ZNF423: variants seen among roughly 807,000 people sequenced by gnomAD.
ZNF423 encodes zinc finger protein 423.
In ZNF423, 12 loss-of-function variants were observed where a neutral mutation model predicts 95.8. The ratio of observed to expected loss-of-function variants is 0.13; its 90% confidence interval spans 0.08 to 0.20. The LOEUF (loss-of-function observed/expected upper bound fraction) is 0.20, where lower values mean the gene tolerates loss of function less well. Among genes scored for constraint, ZNF423 ranks in the 10% least tolerant of loss-of-function variants. The probability of loss-of-function intolerance (pLI) is 1.00; values close to 1 mark genes in which losing one functional copy is unlikely to be tolerated. For missense variants in ZNF423, 1,316 were observed against 1,737.1 expected (o/e 0.76, Z 4.31); for synonymous variants, 749 against 711.9 (o/e 1.05, Z -0.83).
intron 7 of ZNF423, among the ~76,000 whole-genome samples, chr16:49,505,606 TG>T (rs1476250467): frequency 6.6e-6 from 1 of 152,166 alleles, no homozygotes; most frequent in Non-Finnish European, 1.5e-5. Context: ...ATAAATTGTG[TG>T]CACGCACCAG....
At chr16:49,592,083 T>C (rs1437568989) in intron 5 of ZNF423, among the ~76,000 whole-genome samples, 4 of 152,256 alleles carry the variant, frequency 2.6e-5, no homozygotes, top group Non-Finnish European at 5.9e-5. Flanking sequence ...TAAAAGTAAT[T>C]GAGGTTTTTG....
chr16:49,513,954 C>T (rs147878172), intron 7 of ZNF423, among the ~76,000 whole-genome samples: 1,853 of 151,938 alleles, frequency 0.012, 40 homozygotes, highest in African/African-American at 0.041. Context: ...ACTGGGTAGG[C>T]GATGCGAGGC....
intron 2 of ZNF423, among the ~76,000 whole-genome samples, chr16:49,763,249 A>G (rs1466542237): frequency 6.6e-6 from 1 of 151,510 alleles, no homozygotes; most frequent in Admixed American, 6.6e-5. Flanking sequence ...TGTTCTTTGT[A>G]CTCTGGGTTT....
At chr16:49,788,921 C>T (rs527925629) in intron 2 of ZNF423, among the ~76,000 whole-genome samples, 2 of 152,364 alleles carry the variant, frequency 1.3e-5, no homozygotes, top group South Asian at 4.1e-4. Context: ...AAAAACTTTA[C>T]TCATCCACCT....
At chr16:49,632,868 C>T (rs1972552731) in intron 4 of ZNF423, among the ~76,000 whole-genome samples, 1 of 152,224 alleles carries the variant, frequency 6.6e-6, no homozygotes, top group African/African-American at 2.4e-5. Flanking sequence ...AAACAGCTCC[C>T]TGGCCATCAG....
intron 2 of ZNF423, among the ~76,000 whole-genome samples, chr16:49,781,008 G>A (rs1380704040): frequency 2.0e-5 from 3 of 152,206 alleles, no homozygotes; most frequent in Non-Finnish European, 4.4e-5. Flanking sequence ...CATGCACCAC[G>A]GGCCACAGCC....
At chr16:49,494,820 C>T (rs527386530) in intron 7 of ZNF423, among the ~76,000 whole-genome samples, 3 of 152,336 alleles carry the variant, frequency 2.0e-5, no homozygotes, top group Non-Finnish European at 2.9e-5. Context: ...ACCCGTGGTC[C>T]GTCCCCCACA....
intron 5 of ZNF423, among the ~76,000 whole-genome samples, chr16:49,560,892 C>T (rs1260128868): frequency 1.3e-5 from 2 of 152,126 alleles, no homozygotes; most frequent in Non-Finnish European, 2.9e-5. Flanking sequence ...TTTCCTTTAG[C>T]ACGTGGAACT....
At chr16:49,650,890 C>A (rs1010968) in intron 3 of ZNF423, among the ~76,000 whole-genome samples, 78,460 of 151,734 alleles carry the variant, frequency 0.52, 21,129 homozygotes, top group South Asian at 0.67. Flanking sequence ...TGGCTGTCCT[C>A]CCACTGGACA....
chr16:49,557,675 C>A (rs1265122197), intron 5 of ZNF423, among the ~76,000 whole-genome samples: 4 of 152,178 alleles, frequency 2.6e-5, no homozygotes, highest in Non-Finnish European at 4.4e-5. Flanking sequence ...GGGTGGGAAT[C>A]TGTCCTTCTG....
At chr16:49,645,925 G>A (rs1973155295) in intron 3 of ZNF423, among the ~76,000 whole-genome samples, 1 of 152,208 alleles carries the variant, frequency 6.6e-6, no homozygotes, top group Non-Finnish European at 1.5e-5. Flanking sequence ...CAACATGATT[G>A]TTAGTTTCCT....
At chr16:49,515,853 C>T (rs78520951) in intron 7 of ZNF423, among the ~76,000 whole-genome samples, 2,199 of 152,280 alleles carry the variant, frequency 0.014, 58 homozygotes, top group African/African-American at 0.05. Context: ...CACAGAGGTG[C>T]CCATGGGGAT....
intron 7 of ZNF423, among the ~76,000 whole-genome samples, chr16:49,511,293 T>C (rs1233850831): frequency 3.3e-5 from 5 of 152,182 alleles, no homozygotes; most frequent in African/African-American, 9.6e-5. Flanking sequence ...CTAGAACGCC[T>C]GCCTCGCTGG....
chr16:49,711,060 G>T (rs1212180476), intron 3 of ZNF423, among the ~76,000 whole-genome samples: 2 of 152,160 alleles, frequency 1.3e-5, no homozygotes, highest in Admixed American at 6.5e-5. Flanking sequence ...TGTGGAACGG[G>T]GTGAGATGGG....
chr16:49,759,105 G>T (rs1203018174), intron 2 of ZNF423, among the ~76,000 whole-genome samples: 1 of 152,116 alleles, frequency 6.6e-6, no homozygotes, highest in Non-Finnish European at 1.5e-5. Flanking sequence ...TAAAAGGAAA[G>T]CTTGCTGGCT....
chr16:49,527,930 G>GCACA (rs141537609), intron 5 of ZNF423, among the ~76,000 whole-genome samples: 1 of 151,406 alleles, frequency 6.6e-6, no homozygotes, highest in Non-Finnish European at 1.5e-5. Flanking sequence ...ACGTGTGCAT[G>GCACA]CACACACACA....
At position 49,637,900 on chromosome 16, in the gene ZNF423, C is replaced by T. The variant is rs780636926; in HGVS notation, c.1276G>A (p.Asp426Asn). 1.2e-6 allele frequency: 2 copies of T among 1,614,174 alleles called. No homozygotes were observed. Among genetic ancestry groups the T allele is most frequent in the Non-Finnish European group, 1.7e-6 (2 of 1,180,040 alleles). ...TCCAGCACGGCCAGGCTGTTAAAGT[C>T]CCGCTTGGAACAATAGGGGCAGCTA... ...VYSCPYCSKR[D>N]FNSLAVLEIH... The change falls in exon 4 of 8, where the codon GAC becomes AAC. Residue 426 changes from aspartate to asparagine, a missense_variant. Physicochemically the swap from Asp to Asn is conservative, Grantham distance 23. Transcript: ENST00000563137. The surrounding 1 kb of genome is among the most constrained non-coding windows in gnomAD (Gnocchi z 5.6).
At chr16:49,829,048 C>G (rs889664901) in intron 1 of ZNF423, among the ~76,000 whole-genome samples, 9 of 152,206 alleles carry the variant, frequency 5.9e-5, no homozygotes, top group Non-Finnish European at 1.3e-4. Context: ...ATCCCCAGTC[C>G]CACACCAACA....
At chr16:49,794,642 C>T (rs777048759) in intron 1 of ZNF423, among the ~76,000 whole-genome samples, 3 of 152,212 alleles carry the variant, frequency 2.0e-5, no homozygotes, top group Non-Finnish European at 4.4e-5. Context: ...TGCAGCTGCC[C>T]ACTCCTGCCC....
Sources: gnomAD v4.1 joint callset for allele counts (sites outside exome capture counted in the v4.1 genomes callset) on GRCh38, gnomAD v4.1.1 for gene constraint, Gnocchi (gnomAD v3.1) non-coding constraint, MANE v1.5 for transcripts, NCBI Gene and HGNC (gene_info 2026-07-23, HGNC 2026-07-21) for gene names.